Variants in LAMP1 observed in about 807,000 individuals in gnomAD.
LAMP1 encodes the protein lysosome associated membrane protein 1.
A neutral mutation model predicts 37.5 loss-of-function variants in LAMP1; 7 were observed. The observed-to-expected ratio is 0.19, with a 90% CI of 0.11 to 0.35. The LOEUF is 0.35. Ranked by LOEUF, LAMP1 falls within the 10% of genes least tolerant of loss-of-function variation. LAMP1 has a pLI of 1.00. For missense variants in LAMP1, 537 were observed against 552.8 expected (o/e 0.97, Z 0.29); for synonymous variants, 236 against 229.1 (o/e 1.03, Z -0.27).
chr13:113,307,033 G>A (rs2042603238), intron 2 of LAMP1, among the ~76,000 whole-genome samples: 1 of 151,724 alleles, frequency 6.6e-6, no homozygotes, highest in African/African-American at 2.4e-5. Flanking sequence ...TAGAGATGGG[G>A]TTTCACTGTG....
Position 113,310,004 on chromosome 13 carries a change from A to G in LAMP1, c.403+142A>G, listed in dbSNP as rs2042621218. The stretch of plus-strand genomic sequence containing the variant: ...AGCACTTTGGGAGGCTAAGGCAGAC[A>G]GATCACTTGAGGTCAGGAGTTTGAG... On this transcript the variant is annotated intron_variant, in intron 3 of 8. Coordinates refer to ENST00000332556, the MANE Select transcript of LAMP1 (RefSeq NM_005561.4). 12 of 657,884 alleles carry G rather than the reference A, an allele frequency of 1.8e-5. No individual in the cohort carries two copies. In the South Asian group the frequency reaches 2.2e-4, roughly 12 times the overall value. 40.8% of individuals were successfully genotyped at this position (657,884 alleles called of 1,614,324 possible).
chr13:113,320,246 C>T lies in LAMP1; in HGVS notation c.751-99C>T, dbSNP rs1443315835. 6.9e-7 allele frequency: 1 copy of T among 1,447,642 alleles called. No individual in the cohort carries two copies. Among genetic ancestry groups the T allele is most frequent in the Non-Finnish European group, 9.6e-7 (1 of 1,043,038 alleles). The allele number at this position is 1,447,642 out of a possible 1,614,324, so 89.7% of individuals were successfully genotyped here. A position where few individuals can be genotyped will look rare whatever the true frequency, so the allele number is the denominator to read the frequency against. ...GTTTTCCTTCTGGTTTTGGTTAAAACAAATGTGGCCTTGAATTCACGGTTT... is the reference window on the plus strand; with the variant it reads ...GTTTTCCTTCTGGTTTTGGTTAAAATAAATGTGGCCTTGAATTCACGGTTT... On this transcript the variant is annotated intron_variant, in intron 5 of 8. Transcript: ENST00000332556. The surrounding 1 kb of genome is among the most constrained non-coding windows in gnomAD (Gnocchi z 4.4).
chr13:113,311,170 T>TAG (rs1286364457), intron 4 of LAMP1, among the ~76,000 whole-genome samples: 1 of 150,638 alleles, frequency 6.6e-6, no homozygotes, highest in African/African-American at 2.4e-5. Context: ...GGGGGGCGGG[T>TAG]AGAGAGAGAG....
chr13:113,303,160 G>T (rs1473369733), intron 1 of LAMP1, among the ~76,000 whole-genome samples: 1 of 152,194 alleles, frequency 6.6e-6, no homozygotes, highest in Non-Finnish European at 1.5e-5. Context: ...CTCTCCTCCT[G>T]CTCGTGGGTG....
intron 4 of LAMP1, among the ~76,000 whole-genome samples, chr13:113,314,835 G>A (rs750703033): frequency 2.4e-5 from 3 of 125,456 alleles, no homozygotes; most frequent in African/African-American, 6.4e-5. Context: ...TGTGCCTGGG[G>A]CGTGGCCTCC....
chr13:113,308,691 T>A (rs954831238), intron 2 of LAMP1, among the ~76,000 whole-genome samples: 1 of 152,182 alleles, frequency 6.6e-6, no homozygotes, highest in African/African-American at 2.4e-5. Context: ...TTGGATTTTT[T>A]AAATATTCTA....
chr13:113,301,854 A>ATTTTTTTTTTT (rs1595456796), intron 1 of LAMP1, among the ~76,000 whole-genome samples: 2 of 108,556 alleles, frequency 1.8e-5, no homozygotes, highest in East Asian at 3.1e-4. Context: ...CTAAGATGTG[A>ATTTTTTTTTTT]TTTCTTTTTT....
intron 1 of LAMP1, among the ~76,000 whole-genome samples, chr13:113,303,760 A>G (rs1295489332): frequency 1.3e-5 from 2 of 152,152 alleles, no homozygotes; most frequent in African/African-American, 4.8e-5. Flanking sequence ...TATTTAAATG[A>G]TATTTCTTTG....
At chr13:113,316,537 C>T (rs1406782382) in intron 4 of LAMP1, among the ~76,000 whole-genome samples, 1 of 151,712 alleles carries the variant, frequency 6.6e-6, no homozygotes, top group African/African-American at 2.4e-5. Flanking sequence ...ATTCTTCTGC[C>T]TCAGCCTCCC....
At chr13:113,306,126 A>G (rs1342479364) in intron 1 of LAMP1, 3 of 175,890 alleles carry the variant, frequency 1.7e-5, no homozygotes, top group Admixed American at 6.1e-5. Context: ...TGGGAGGCCA[A>G]GGTGGGTGGA....
intron 1 of LAMP1, among the ~76,000 whole-genome samples, chr13:113,301,361 G>A (rs1000815113): frequency 9.9e-5 from 15 of 151,858 alleles, no homozygotes; most frequent in African/African-American, 3.4e-4. Flanking sequence ...TGGCTGTCAC[G>A]TGTAATCCTA....
chr13:113,317,085 C>T (rs1328214824), intron 4 of LAMP1, among the ~76,000 whole-genome samples: 1 of 152,140 alleles, frequency 6.6e-6, no homozygotes, highest in Non-Finnish European at 1.5e-5. Context: ...TTGCAGCTTG[C>T]AGGTTGATGT....
rs2042617912 is a variant in LAMP1 at position 113,309,556 on chromosome 13, T to G, written c.184-87T>G. On this transcript the variant is annotated intron_variant, in intron 2 of 8. Coordinates refer to ENST00000332556, the MANE Select transcript of LAMP1 (RefSeq NM_005561.4). ...TCTTAGTTGGAAATGAAGTATAAGT[T>G]TATATCAGACTTACAGAAAATCTCT... 4 of 1,000,858 alleles carry G rather than the reference T, an allele frequency of 4.0e-6. No individual in the cohort carries two copies. In the Admixed American group the frequency reaches 9.6e-5, roughly 24 times the overall value. The allele number at this position is 1,000,858 out of a possible 1,614,324, so 62.0% of individuals were successfully genotyped here.
chr13:113,306,412 G>A (rs1365160914), intron 1 of LAMP1, 73 bp from the exon 2 acceptor site: 9 of 1,521,960 alleles, frequency 5.9e-6, no homozygotes, highest in Non-Finnish European at 8.1e-6. Context: ...TGCTACAGCT[G>A]TGGAAAATGG....
At position 113,322,986 on chromosome 13, in the gene LAMP1, GC is replaced by G. The variant is rs1417953882; in HGVS notation, c.*567del. 2 of 154,292 alleles carry G rather than the reference GC, an allele frequency of 1.3e-5. No individual in the cohort carries two copies. The highest frequency in any genetic ancestry group is 4.8e-5 in the African/African-American group (2 of 41,444). 9.6% of individuals were successfully genotyped at this position (154,292 alleles called of 1,614,324 possible). A position where few individuals can be genotyped will look rare whatever the true frequency, so the allele number is the denominator to read the frequency against. ...AAGCCTTACAAAGGGAAAGCCTCTG[GC>G]CGTCACACGTAGGACGCATGAAGGT... On this transcript the variant is annotated 3_prime_UTR_variant, in exon 9 of 9. Transcript: ENST00000332556.
In LAMP1 at chr13:113,320,294, A is replaced by T; in HGVS notation, c.751-51A>T. Reference sequence around the variant, plus strand: ...TTTCAGGACTGTTTGTCTTTTCGAGAGTGTGGAGGACCTGAGCTAGGGTGG... The same window carrying T: ...TTTCAGGACTGTTTGTCTTTTCGAGTGTGTGGAGGACCTGAGCTAGGGTGG... On this transcript the variant is annotated intron_variant, in intron 5 of 8. Transcript: ENST00000332556. The surrounding 1 kb of genome is among the most constrained non-coding windows in gnomAD (Gnocchi z 4.4). The T allele has an allele frequency of 1.2e-6, 2 of 1,607,872 alleles. No individual in the cohort carries two copies. The highest frequency in any genetic ancestry group is 1.7e-6 in the Non-Finnish European group (2 of 1,175,890).
chr13:113,315,930 C>G (rs1566402445), intron 4 of LAMP1, among the ~76,000 whole-genome samples: 1 of 151,938 alleles, frequency 6.6e-6, no homozygotes, highest in Non-Finnish European at 1.5e-5. Flanking sequence ...TGGCGAAAAC[C>G]CGTCTCTACT....
intron 4 of LAMP1, among the ~76,000 whole-genome samples, chr13:113,316,490 T>G (rs113439235): frequency 8.6e-5 from 13 of 150,676 alleles, no homozygotes; most frequent in African/African-American, 3.2e-4. Flanking sequence ...TGGCGTGATC[T>G]CTGCTCACTG....
Position 113,298,473 on chromosome 13 carries a change from T to TA in LAMP1, c.61+979dup, listed in dbSNP as rs58077382. ...AAATGCCAGGATCTGAAAGGTGATG[T>TA]AGAATCAAGCTGGGGGAGTGTGTGT... is the stretch of plus-strand genomic sequence containing the variant. On this transcript the variant is annotated intron_variant, in intron 1 of 8. Transcript: ENST00000332556. Among the ~76,000 whole-genome samples, 681 of 150,782 alleles carry TA rather than the reference T, an allele frequency of 4.5e-3. 3 individuals carry two copies. The highest frequency in any genetic ancestry group is 0.016 in the African/African-American group (636 of 40,450).
Sources: allele counts gnomAD v4.1 joint callset (sites outside exome capture counted in the v4.1 genomes callset), GRCh38; gene constraint gnomAD v4.1.1; non-coding constraint Gnocchi (gnomAD v3.1); transcripts MANE v1.5; gene names NCBI Gene and HGNC (gene_info 2026-07-23, HGNC 2026-07-21).